NPNT: variants seen among roughly 807,000 people sequenced by gnomAD.
The protein encoded by NPNT is preosteoblast EGF-like repeat protein with MAM domain.
In NPNT, 45 loss-of-function variants were observed where a neutral mutation model predicts 68.6. The ratio of observed to expected loss-of-function variants is 0.66; its 90% CI spans 0.52 to 0.84. The LOEUF (loss-of-function observed/expected upper bound fraction) is 0.84. Ranked by LOEUF, NPNT falls within the 40% of genes least tolerant of loss-of-function variation. The pLI is 0.00. For missense variants in NPNT, 672 were observed against 714.8 expected, an observed-to-expected ratio of 0.94 and a Z score of 0.68; for synonymous variants, 233 against 253.3, an observed-to-expected ratio of 0.92 and a Z score of 0.76.
chr4:105,943,472 C>T (rs1195156664), intron 8 of NPNT, among the ~76,000 whole-genome samples: 1 of 151,686 alleles, frequency 6.6e-6, no homozygotes, highest in Non-Finnish European at 1.5e-5. Flanking sequence ...GATAGTTAGA[C>T]CTACACTGGG....
At chr4:105,906,254 G>C (rs1287034771) in intron 2 of NPNT, among the ~76,000 whole-genome samples, 1 of 152,208 alleles carries the variant, frequency 6.6e-6, no homozygotes, top group Non-Finnish European at 1.5e-5. Flanking sequence ...TTATGTGGGA[G>C]GAATTATGGT....
At chr4:105,921,032 A>C (rs1184865595) in intron 2 of NPNT, among the ~76,000 whole-genome samples, 1 of 152,162 alleles carries the variant, frequency 6.6e-6, no homozygotes, top group Non-Finnish European at 1.5e-5. Flanking sequence ...GGGTAATGAA[A>C]TTATTTTCTT....
In NPNT at chr4:105,897,886, CTT is replaced by C; in HGVS notation, c.72-7_72-6del. ...AAAAGTGTCCTTATTTATTTTGAAT[CTT>C]TTTTTTTGGTAGGTGGCCCAGGCAA... On this transcript the variant is annotated splice_polypyrimidine_tract_variant and intron_variant, in intron 1 of 11. Transcript: ENST00000379987. 6.5e-7 allele frequency: 1 copy of C among 1,543,746 alleles called. No homozygotes were observed.
At chr4:105,933,720 T>G (rs1279517437) in intron 3 of NPNT, among the ~76,000 whole-genome samples, 1 of 152,186 alleles carries the variant, frequency 6.6e-6, no homozygotes, top group Non-Finnish European at 1.5e-5. Flanking sequence ...AGTGTCTGCA[T>G]GCTAATAAAA....
chr4:105,932,719 C>T (rs1257116146), intron 3 of NPNT: 4 of 1,517,430 alleles, frequency 2.6e-6, no homozygotes, highest in Non-Finnish European at 2.7e-6. Context: ...CGTGCATTGT[C>T]CCAGGTGGTC....
chr4:105,928,135 TGTCTTGCTCAGGTTCACAGAGTTAGTA>T, intron 3 of NPNT, among the ~76,000 whole-genome samples: 1 of 152,308 alleles, frequency 6.6e-6, no homozygotes, highest in Non-Finnish European at 1.5e-5. Flanking sequence ...GAATATTAAG[TGTCTTGCTCAGGTTCACAGAGTTAGTA>T]AAAGAGCTAG....
At chr4:105,929,918 A>G (rs1241287204) in intron 3 of NPNT, among the ~76,000 whole-genome samples, 1 of 152,098 alleles carries the variant, frequency 6.6e-6, no homozygotes, top group Non-Finnish European at 1.5e-5. Flanking sequence ...ACACATACCT[A>G]TTTCTCTAAA....
chr4:105,901,028 A>G (rs1726376122), intron 2 of NPNT, among the ~76,000 whole-genome samples: 2 of 152,178 alleles, frequency 1.3e-5, no homozygotes, highest in African/African-American at 4.8e-5. Flanking sequence ...TATTTGCAGC[A>G]CACAGCATCT....
intron 3 of NPNT, chr4:105,932,691 T>C (rs1427847327): frequency 6.5e-7 from 1 of 1,535,886 alleles, no homozygotes; most frequent in East Asian, 2.4e-5. Flanking sequence ...AGCCACAAGT[T>C]TGCCTTCAAG....
At chr4:105,939,941 C>A (rs969168331) in intron 5 of NPNT, 134 bp from the exon 6 acceptor site, 31 of 688,278 alleles carry the variant, frequency 4.5e-5, no homozygotes, top group Non-Finnish European at 7.1e-5. Flanking sequence ...CCTGTAGGGA[C>A]AACCAGCTAG....
chr4:105,942,540 C>T lies in NPNT; in HGVS notation c.997C>T (p.Pro333Ser), dbSNP rs1486539948. 5 of 1,613,886 alleles carry T rather than the reference C, an allele frequency of 3.1e-6. No homozygotes were observed. Among genetic ancestry groups the T allele is most frequent in the Non-Finnish European group, 4.2e-6 (5 of 1,180,024 alleles). Residue 333 changes from proline to serine, a missense_variant, in exon 8 of 12, where the codon CCC becomes TCC. Coordinates refer to ENST00000379987, the MANE Select transcript of NPNT (RefSeq NM_001033047.3). ...TPIPTPPPPP[P>S]LPTELRTPLP... ...AATTCCTACTCCACCACCACCACCA[C>T]CCCTGCCAACAGAGCTCAGAACACC...
At chr4:105,920,548 A>G (rs1728185563) in intron 2 of NPNT, among the ~76,000 whole-genome samples, 1 of 152,194 alleles carries the variant, frequency 6.6e-6, no homozygotes, top group African/African-American at 2.4e-5. Context: ...TAAACTGAAA[A>G]CAACAATAGT....
At position 105,897,939 on chromosome 4, in the gene NPNT, G is replaced by A. The variant is rs374634164; in HGVS notation, c.110G>A (p.Arg37His). Residue 37 changes from arginine to histidine, a missense_variant, in exon 2 of 12, where the codon CGT (arginine) becomes CAT (histidine). Transcript: ENST00000379987. ...ATAGTGTCATCGATTGGCCTATGTC[G>A]TTATGGTGGGAGGATTGACTGCTGC... Reference protein sequence around the residue: ...RQIVSSIGLCRYGGRIDCCWG... With the variant: ...RQIVSSIGLCHYGGRIDCCWG... 9.3e-6 allele frequency: 15 copies of A among 1,613,454 alleles called. No homozygotes were observed. The highest frequency in any genetic ancestry group is 7.7e-5 in the South Asian group (7 of 90,984).
intron 2 of NPNT, among the ~76,000 whole-genome samples, chr4:105,898,370 C>CTCTCTG: frequency 1.6e-5 from 2 of 128,248 alleles, no homozygotes; most frequent in Non-Finnish European, 3.2e-5. Context: ...CTCTCTCTCT[C>CTCTCTG]TCTCTCTCTC....
intron 2 of NPNT, among the ~76,000 whole-genome samples, chr4:105,903,190 G>A (rs1399839330): frequency 6.6e-6 from 1 of 152,160 alleles, no homozygotes; most frequent in East Asian, 1.9e-4. Flanking sequence ...AAAAAATGTA[G>A]GTGTCTTCTC....
At chr4:105,900,438 G>C (rs1357317315) in intron 2 of NPNT, among the ~76,000 whole-genome samples, 1 of 152,162 alleles carries the variant, frequency 6.6e-6, no homozygotes, top group East Asian at 1.9e-4. Flanking sequence ...TTGAGCATTT[G>C]TGAGATGTTT....
At chr4:105,950,935 T>C (rs1730783069) in intron 8 of NPNT, among the ~76,000 whole-genome samples, 1 of 152,210 alleles carries the variant, frequency 6.6e-6, no homozygotes, top group African/African-American at 2.4e-5. Flanking sequence ...TCTCAGTCTT[T>C]AATGTGTACA....
chr4:105,898,324 C>CTCTGTCTG (rs1560881725), intron 2 of NPNT, among the ~76,000 whole-genome samples: 1 of 121,026 alleles, frequency 8.3e-6, no homozygotes, highest in Non-Finnish European at 1.6e-5. Flanking sequence ...CTCTCTCTCT[C>CTCTGTCTG]TCTGTCTCTC....
intron 2 of NPNT, among the ~76,000 whole-genome samples, chr4:105,922,468 A>G (rs745404042): frequency 1.2e-4 from 18 of 151,220 alleles, no homozygotes; most frequent in Non-Finnish European, 2.1e-4. Context: ...GCTCACTGCA[A>G]CCTCTGCCTC....
Sources: gnomAD v4.1 joint callset for allele counts (sites outside exome capture counted in the v4.1 genomes callset) on GRCh38, gnomAD v4.1.1 for gene constraint, MANE v1.5 for transcripts, NCBI Gene and HGNC (gene_info 2026-07-23, HGNC 2026-07-21) for gene names.